RANBP2: variants seen among roughly 807,000 people sequenced by gnomAD.
RANBP2 encodes E3 SUMO-protein ligase RanBP2.
Under a neutral mutation model 303.6 loss-of-function variants are expected in RANBP2, and 57 were observed. The observed-to-expected ratio is 0.19, with a 90% CI of 0.15 to 0.23. The LOEUF (loss-of-function observed/expected upper bound fraction) is 0.23, where lower values mean the gene tolerates loss of function less well. Ranked by LOEUF, RANBP2 falls within the 10% of genes least tolerant of loss-of-function variation. The pLI is 1.00. For synonymous variants in RANBP2, 1,167 were observed against 1,301.5 expected, an observed-to-expected ratio of 0.90 and a Z score of 2.23; for missense variants, 3,138 against 3,780.8, an observed-to-expected ratio of 0.83 and a Z score of 4.46.
chr2:109,459,123 T>C, the RANBP2 span, among the ~76,000 whole-genome samples: 1 of 152,144 alleles, frequency 6.6e-6, no homozygotes, highest in Non-Finnish European at 1.5e-5. Flanking sequence ...TTCTTCTTGA[T>C]ATCTTGTAAC....
chr2:109,490,781 C>T, the RANBP2 span: 1 of 1,536,956 alleles, frequency 6.5e-7, no homozygotes, highest in Non-Finnish European at 8.7e-7. Flanking sequence ...GGGCAGGGTC[C>T]TGCCCCATAG....
At chr2:109,328,144 A>G in the RANBP2 span, among the ~76,000 whole-genome samples, 1 of 152,200 alleles carries the variant, frequency 6.6e-6, no homozygotes, top group South Asian at 2.1e-4. Flanking sequence ...CAGCCAAACC[A>G]TTGTCACACT....
Position 108,764,325 on chromosome 2 carries a change from A to T in RANBP2, c.3786A>T (p.Arg1262Ser). 6.2e-7 allele frequency: 1 copy of T among 1,613,808 alleles called. No homozygotes were observed. Among genetic ancestry groups the T allele is most frequent in the Non-Finnish European group, 8.5e-7 (1 of 1,179,966 alleles). Residue 1262 changes from arginine to serine, a missense_variant, in exon 20 of 29, where the codon AGA (arginine) becomes AGT (serine). By Grantham distance (110) the Arg-to-Ser change is moderately radical (BLOSUM62 -1). This residue lies in a region of RANBP2 where 72 missense variants were observed against 119.5 expected (regional missense o/e 0.60). Coordinates refer to ENST00000283195, the MANE Select transcript of RANBP2 (RefSeq NM_006267.5). ...MKLTPNAGSD[R>S]SFVWHALDYA... is the part of the protein sequence containing the mutation. Reference sequence around the variant, plus strand: ...TGACACCAAATGCTGGATCAGACAGATCTTTTGTATGGCATGCCCTTGATT... The same window carrying T: ...TGACACCAAATGCTGGATCAGACAGTTCTTTTGTATGGCATGCCCTTGATT...
the RANBP2 span, among the ~76,000 whole-genome samples, chr2:109,226,144 C>T: frequency 2.0e-5 from 3 of 152,178 alleles, no homozygotes; most frequent in African/African-American, 4.8e-5. Context: ...GAGGTTGTCC[C>T]CAAATAGCAG....
chr2:109,116,549 T>C, the RANBP2 span, among the ~76,000 whole-genome samples: 1 of 152,198 alleles, frequency 6.6e-6, no homozygotes, highest in Non-Finnish European at 1.5e-5. Context: ...TTTTTCAAAG[T>C]TTTCAACTTC....
At chr2:109,663,569 T>A in the RANBP2 span, among the ~76,000 whole-genome samples, 1 of 152,194 alleles carries the variant, frequency 6.6e-6, no homozygotes, top group Non-Finnish European at 1.5e-5. Flanking sequence ...GAAAAGGAGA[T>A]CATCATTTTA....
At chr2:109,661,312 T>C in the RANBP2 span, among the ~76,000 whole-genome samples, 3 of 151,262 alleles carry the variant, frequency 2.0e-5, no homozygotes, top group Non-Finnish European at 4.4e-5. Context: ...AATGGCACGA[T>C]CTCAGCTCAC....
chr2:109,585,328 C>T, the RANBP2 span: 46 of 1,591,786 alleles, frequency 2.9e-5, no homozygotes, highest in Non-Finnish European at 3.9e-5. Context: ...TCCCCTGAAA[C>T]ACACAAAGGT....
rs1394294935 is a variant in RANBP2, at chr2:108,783,964, C to G, written c.*63C>G. The G allele has an allele frequency of 1.4e-6, 2 of 1,450,062 alleles. No homozygotes were observed. Among genetic ancestry groups the G allele is most frequent in the Non-Finnish European group, 1.9e-6 (2 of 1,047,612 alleles). 89.8% of individuals were successfully genotyped at this position (1,450,062 alleles called of 1,614,324 possible). A position where few individuals can be genotyped will look rare whatever the true frequency, so the allele number is the denominator to read the frequency against. On this transcript the variant is annotated 3_prime_UTR_variant, in exon 29 of 29. Coordinates refer to ENST00000283195, the MANE Select transcript of RANBP2 (RefSeq NM_006267.5). ...CAGTTGGATTGAAGCTTAGCTATTA[C>G]AATTTGATAGTTATGTTCAGCTTTT...
At chr2:109,176,699 C>T in the RANBP2 span, among the ~76,000 whole-genome samples, 13 of 152,158 alleles carry the variant, frequency 8.5e-5, 1 homozygote, top group South Asian at 6.2e-4. Context: ...ATGGTGTCAC[C>T]GCACTCTAGC....
At chr2:109,420,694 C>G in the RANBP2 span, among the ~76,000 whole-genome samples, 1 of 152,170 alleles carries the variant, frequency 6.6e-6, no homozygotes. Flanking sequence ...ATCCGCCCGC[C>G]TTGGCCTCCC....
At chr2:109,583,974 ACACT>A in the RANBP2 span, among the ~76,000 whole-genome samples, 1 of 152,168 alleles carries the variant, frequency 6.6e-6, no homozygotes, top group Admixed American at 6.6e-5. Context: ...GCAACAACAG[ACACT>A]GGGACTACTA....
the RANBP2 span, among the ~76,000 whole-genome samples, chr2:109,520,426 C>T: frequency 2.2e-4 from 33 of 150,824 alleles, no homozygotes; most frequent in African/African-American, 7.3e-4. Context: ...CATGGTGAAA[C>T]CTGTCTCTAC....
the RANBP2 span, among the ~76,000 whole-genome samples, chr2:109,464,060 G>A: frequency 1.5e-3 from 226 of 152,304 alleles, no homozygotes; most frequent in African/African-American, 5.3e-3. Context: ...CATCTGTGCT[G>A]GTAGACCTGC....
At chr2:109,376,013 C>T in the RANBP2 span, among the ~76,000 whole-genome samples, 22 of 152,270 alleles carry the variant, frequency 1.4e-4, no homozygotes, top group Non-Finnish European at 2.6e-4. Flanking sequence ...CAGTGGCAGA[C>T]GTCATGGGCT....
chr2:109,736,344 T>C, the RANBP2 span, among the ~76,000 whole-genome samples: 1 of 152,206 alleles, frequency 6.6e-6, no homozygotes, highest in African/African-American at 2.4e-5. Flanking sequence ...TCCATTTCTT[T>C]GGCATGGGAG....
chr2:109,157,318 TA>T, the RANBP2 span, among the ~76,000 whole-genome samples: 1 of 152,232 alleles, frequency 6.6e-6, no homozygotes, highest in Non-Finnish European at 1.5e-5. Flanking sequence ...AGCACCTTTT[TA>T]AAAACTTAAA....
At chr2:109,561,013 C>A in the RANBP2 span, among the ~76,000 whole-genome samples, 1 of 152,136 alleles carries the variant, frequency 6.6e-6, no homozygotes, top group African/African-American at 2.4e-5. Flanking sequence ...CACATTAGAG[C>A]AAATAATAAT....
chr2:108,788,578 G>C (rs142286581), downstream of RANBP2, among the ~76,000 whole-genome samples: 3,396 of 148,750 alleles, frequency 0.023, 124 homozygotes, highest in African/African-American at 0.081. Context: ...AAATTAGCCG[G>C]GTGTGGTGGC....
Sources: allele counts gnomAD v4.1 joint callset (sites outside exome capture counted in the v4.1 genomes callset), GRCh38; gene constraint gnomAD v4.1.1; regional missense constraint gnomAD v4.1.1; transcripts MANE v1.5; gene names NCBI Gene and HGNC (gene_info 2026-07-23, HGNC 2026-07-21).